The following FER variants were observed in gnomAD, a reference collection of about 807,000 sequenced individuals.
FER encodes the protein tyrosine-protein kinase Fer.
A neutral mutation model predicts 111.0 loss-of-function variants in FER; 63 were observed. The observed-to-expected ratio is 0.57, with a 90% CI of 0.46 to 0.70. FER has a LOEUF of 0.70. FER is among the 30% of genes least tolerant of loss of function. The pLI, the probability that FER is intolerant of heterozygous loss-of-function variation, is 0.00. For missense variants in FER, 914 were observed against 954.0 expected, an observed-to-expected ratio of 0.96 and a Z score of 0.55; for synonymous variants, 327 against 313.9, an observed-to-expected ratio of 1.04 and a Z score of -0.44.
At chr5:108,756,604 GTAAT>G (rs1457989711) in intron 1 of FER, among the ~76,000 whole-genome samples, 2 of 151,984 alleles carry the variant, frequency 1.3e-5, no homozygotes, top group African/African-American at 4.8e-5. Flanking sequence ...ATGGTAATAT[GTAAT>G]TAATTATAGG....
chr5:109,054,939 A>C (rs1773432546), intron 16 of FER, among the ~76,000 whole-genome samples: 1 of 152,160 alleles, frequency 6.6e-6, no homozygotes. Flanking sequence ...CTTTTCTGTC[A>C]ATCCTTTTGT....
chr5:108,876,722 T>C (rs1028606588), intron 8 of FER, among the ~76,000 whole-genome samples: 2 of 152,188 alleles, frequency 1.3e-5, no homozygotes, highest in South Asian at 4.1e-4. Flanking sequence ...GCAGTACTAG[T>C]CTATGTACTG....
chr5:108,992,533 G>T (rs1264126077), intron 13 of FER, among the ~76,000 whole-genome samples: 6 of 150,964 alleles, frequency 4.0e-5, no homozygotes, highest in African/African-American at 1.5e-4. Context: ...CCCGGACGGG[G>T]CAGCTGGCCG....
chr5:109,179,048 G>A (rs1015514820), intron 17 of FER, among the ~76,000 whole-genome samples: 5 of 151,986 alleles, frequency 3.3e-5, no homozygotes, highest in African/African-American at 1.2e-4. Context: ...TTTTCCAGTT[G>A]TTTGCTGCTT....
rs1049643996 is a variant in FER, at chr5:109,003,386, T to A, written c.1657-34036T>A. Among the ~76,000 whole-genome samples, 21 of 152,090 alleles carry A rather than the reference T, an allele frequency of 1.4e-4. No homozygotes were observed. The East Asian group carries it at 1.7e-3, about 13-fold the overall frequency. ...CAAGGACAAAAAACCAAACACCGCA[T>A]GTTCTCACTCATAGGTGGGAATTGA... On this transcript the variant is annotated intron_variant, in intron 13 of 19. Transcript: ENST00000281092.
intron 5 of FER, among the ~76,000 whole-genome samples, chr5:108,854,337 G>A (rs773007383): frequency 1.3e-5 from 2 of 151,920 alleles, no homozygotes; most frequent in African/African-American, 2.4e-5. Flanking sequence ...ATTATACTTC[G>A]GCACTAGAGC....
rs367896497 is a variant in FER, at chr5:109,146,538, G to T, written c.2049-34209G>T. ...TTATTATAATTGTTTTAGCTGTCTT[G>T]TTTATTTCTACATGCAGTAACATTT... On this transcript the variant is annotated intron_variant, in intron 17 of 19. Transcript: ENST00000281092. Among the ~76,000 whole-genome samples the T allele has an allele frequency of 2.0e-5, 3 of 151,622 alleles. No homozygotes were observed. The East Asian group carries it at 5.8e-4, about 29-fold the overall frequency.
intron 1 of FER, among the ~76,000 whole-genome samples, chr5:108,756,095 G>T (rs184747245): frequency 6.7e-6 from 1 of 149,710 alleles, no homozygotes; most frequent in Non-Finnish European, 1.5e-5. Flanking sequence ...TGGAGGTTGC[G>T]GTGAGCCGAG....
At chr5:108,989,147 C>T (rs1483055286) in intron 13 of FER, among the ~76,000 whole-genome samples, 2 of 151,852 alleles carry the variant, frequency 1.3e-5, no homozygotes, top group African/African-American at 4.8e-5. Context: ...AATCTTATTA[C>T]CAGGAGTCAG....
At chr5:109,023,752 G>C (rs1453430444) in intron 13 of FER, among the ~76,000 whole-genome samples, 2 of 151,776 alleles carry the variant, frequency 1.3e-5, no homozygotes, top group East Asian at 3.9e-4. Flanking sequence ...CCAATGCCTA[G>C]CACAGTGCCT....
chr5:109,139,218 T>G (rs1753236599), intron 17 of FER, among the ~76,000 whole-genome samples: 1 of 152,076 alleles, frequency 6.6e-6, no homozygotes, highest in African/African-American at 2.4e-5. Context: ...ATATTGTCTA[T>G]CAAAATCACT....
intron 3 of FER, among the ~76,000 whole-genome samples, chr5:108,802,383 G>A (rs879693322): frequency 4.0e-5 from 6 of 151,886 alleles, no homozygotes; most frequent in Non-Finnish European, 8.8e-5. Flanking sequence ...TTTAGATTCC[G>A]GGGGTACACA....
At chr5:109,057,949 T>C (rs1473493929) in intron 16 of FER, among the ~76,000 whole-genome samples, 4 of 152,172 alleles carry the variant, frequency 2.6e-5, no homozygotes, top group African/African-American at 9.6e-5. Flanking sequence ...ACCAATATCA[T>C]TCATGATCAT....
chr5:109,185,735 A>T (rs558905222), intron 18 of FER, among the ~76,000 whole-genome samples: 1 of 152,330 alleles, frequency 6.6e-6, no homozygotes, highest in South Asian at 2.1e-4. Flanking sequence ...TAAAACCAGT[A>T]AAGAGAATAG....
At chr5:109,102,173 C>G (rs1748309614) in intron 17 of FER, among the ~76,000 whole-genome samples, 1 of 152,096 alleles carries the variant, frequency 6.6e-6, no homozygotes, top group Non-Finnish European at 1.5e-5. Flanking sequence ...ATTTCCCTCT[C>G]TAAATCATAA....
At chr5:108,893,970 T>C (rs547616107) in intron 9 of FER, among the ~76,000 whole-genome samples, 1 of 140,028 alleles carries the variant, frequency 7.1e-6, no homozygotes, top group Admixed American at 7.1e-5. Flanking sequence ...GGAAAGAGGT[T>C]TTTTTTTTTT....
intron 17 of FER, among the ~76,000 whole-genome samples, chr5:109,125,452 A>G (rs1751590737): frequency 6.6e-6 from 1 of 152,230 alleles, no homozygotes; most frequent in African/African-American, 2.4e-5. Flanking sequence ...ACCTGTAAAC[A>G]TCTGTGACTA....
intron 5 of FER, among the ~76,000 whole-genome samples, chr5:108,846,658 C>G (rs570539821): frequency 6.6e-6 from 1 of 152,096 alleles, no homozygotes; most frequent in South Asian, 2.1e-4. Context: ...TCACGGCCCA[C>G]TGCGAGCTCT....
chr5:108,985,665 C>T (rs553293295), intron 13 of FER, among the ~76,000 whole-genome samples: 1 of 152,296 alleles, frequency 6.6e-6, no homozygotes, highest in East Asian at 1.9e-4. Flanking sequence ...TTAGCTCCCA[C>T]TCATGAGTGA....
Sources: gnomAD v4.1 joint callset for allele counts (sites outside exome capture counted in the v4.1 genomes callset) on GRCh38, gnomAD v4.1.1 for gene constraint, MANE v1.5 for transcripts, NCBI Gene and HGNC (gene_info 2026-07-23, HGNC 2026-07-21) for gene names.